SLC2A9: variants seen among roughly 807,000 people sequenced by gnomAD.
SLC2A9 encodes solute carrier family 2 member 9, also known as solute carrier family 2, facilitated glucose transporter member 9.
Under a neutral mutation model 50.6 loss-of-function variants are expected in SLC2A9, and 39 were observed. That is an observed-to-expected ratio of 0.77 (90% CI 0.60 to 1.01). The LOEUF is 1.01. SLC2A9 is among the 50% of genes least tolerant of loss of function. SLC2A9 has a pLI of 0.00. For synonymous variants in SLC2A9, 324 were observed against 276.9 expected (o/e 1.17, Z -1.69); for missense variants, 686 against 677.6 (o/e 1.01, Z -0.14).
intron 3 of SLC2A9, chr4:9,780,087 A>G (rs1718129938): frequency 6.6e-6 from 1 of 152,332 alleles, no homozygotes; most frequent in African/African-American, 2.4e-5. Context: ...GACAAGGGCA[A>G]TATGAGGAAA....
At chr4:9,807,667 G>A (rs1368556678) in intron 3 of SLC2A9, among the ~76,000 whole-genome samples, 1 of 152,216 alleles carries the variant, frequency 6.6e-6, no homozygotes, top group Non-Finnish European at 1.5e-5. Flanking sequence ...TGATTTGCAG[G>A]AATCTGACTG....
chr4:9,814,107 T>C (rs1366145721), intron 3 of SLC2A9, among the ~76,000 whole-genome samples: 1 of 152,172 alleles, frequency 6.6e-6, no homozygotes, highest in Non-Finnish European at 1.5e-5. Flanking sequence ...GCCACTGCAC[T>C]GCAGCCTGGG....
intron 10 of SLC2A9, among the ~76,000 whole-genome samples, chr4:9,875,703 A>T (rs1050234119): frequency 4.6e-5 from 7 of 152,202 alleles, no homozygotes; most frequent in Non-Finnish European, 1.0e-4. Flanking sequence ...CTGAGTCTCA[A>T]CTTCCTCTAT....
At chr4:9,851,021 G>C (rs1729811392) in intron 10 of SLC2A9, among the ~76,000 whole-genome samples, 1 of 151,602 alleles carries the variant, frequency 6.6e-6, no homozygotes, top group Non-Finnish European at 1.5e-5. Context: ...TTCATCACTG[G>C]TGCAGCTATA....
At chr4:10,013,006 G>C (rs1762022599) in intron 2 of SLC2A9, among the ~76,000 whole-genome samples, 1 of 152,176 alleles carries the variant, frequency 6.6e-6, no homozygotes, top group South Asian at 2.1e-4. Flanking sequence ...GTAGGAACCA[G>C]AGTGGAAACA....
intron 10 of SLC2A9, 77 bp from the exon 11 acceptor site, chr4:9,835,085 C>T: frequency 6.2e-7 from 1 of 1,602,996 alleles, no homozygotes; most frequent in Non-Finnish European, 8.5e-7. Context: ...CCATCTGCCA[C>T]ACTTTAGAAC....
At chr4:9,772,039 A>T (rs1228440544) in intron 1 of SLC2A9, among the ~76,000 whole-genome samples, 2 of 152,322 alleles carry the variant, frequency 1.3e-5, no homozygotes, top group Admixed American at 6.5e-5. Context: ...ATTTTTATTA[A>T]TTGGATTAAT....
At chr4:9,876,274 C>A (rs555086938) in intron 10 of SLC2A9, among the ~76,000 whole-genome samples, 13 of 152,264 alleles carry the variant, frequency 8.5e-5, no homozygotes, top group African/African-American at 3.1e-4. Context: ...CTATCCCTAC[C>A]CACAGGGCTA....
intron 10 of SLC2A9, among the ~76,000 whole-genome samples, chr4:9,848,698 TC>T (rs1186815735): frequency 2.8e-5 from 4 of 144,408 alleles, no homozygotes; most frequent in Non-Finnish European, 1.5e-5. Flanking sequence ...GAGTGGAAAT[TC>T]TTTTTTTTTT....
Position 9,849,362 on chromosome 4 carries a change from T to C in SLC2A9, c.1292-14354A>G, listed in dbSNP as rs891892102. ...AGGGAAGTTGTTTGTGAAAAGAAGT[T>C]CGTGCCTCTCAGCATTGTTAACAAC... is the stretch of plus-strand genomic sequence containing the variant. On this transcript the variant is annotated intron_variant, in intron 10 of 11. Coordinates refer to ENST00000264784, the MANE Select transcript of SLC2A9 (RefSeq NM_020041.3). Among the ~76,000 whole-genome samples, 4 of 152,316 alleles carry C rather than the reference T, an allele frequency of 2.6e-5. No homozygotes were observed. In the East Asian group the frequency reaches 7.7e-4, roughly 29 times the overall value.
chr4:9,968,466 A>C (rs1315998156), intron 5 of SLC2A9, among the ~76,000 whole-genome samples: 1 of 152,140 alleles, frequency 6.6e-6, no homozygotes, highest in African/African-American at 2.4e-5. Context: ...CCTGACACTA[A>C]AAATGTTTGT....
chr4:9,920,697 A>G (rs1743778255), intron 6 of SLC2A9, 125 bp from the exon 7 acceptor site: 1 of 1,123,738 alleles, frequency 8.9e-7, no homozygotes, highest in Non-Finnish European at 1.3e-6. Context: ...GGAACTTGGC[A>G]GGGGCCTTTG....
chr4:9,993,502 C>A (rs568913707), intron 3 of SLC2A9, among the ~76,000 whole-genome samples: 71 of 152,296 alleles, frequency 4.7e-4, no homozygotes, highest in African/African-American at 1.7e-3. Context: ...ATCTTCACAA[C>A]AACCCTCTGA....
chr4:9,897,567 G>T (rs1738789668), intron 8 of SLC2A9, among the ~76,000 whole-genome samples: 1 of 152,040 alleles, frequency 6.6e-6, no homozygotes, highest in African/African-American at 2.4e-5. Context: ...ATGATGACTG[G>T]TGTCCTTGAG....
At chr4:9,862,477 A>AT (rs1442124585) in intron 10 of SLC2A9, among the ~76,000 whole-genome samples, 1 of 151,690 alleles carries the variant, frequency 6.6e-6, no homozygotes, top group Admixed American at 6.6e-5. Context: ...AAACTTCTGT[A>AT]TTTTTTTTCT....
intron 1 of SLC2A9, among the ~76,000 whole-genome samples, chr4:10,019,619 A>C (rs1578372175): frequency 6.6e-6 from 1 of 152,216 alleles, no homozygotes; most frequent in Admixed American, 6.5e-5. Context: ...TCACCACTGC[A>C]CTGTCCCCTG....
At position 9,994,460 on chromosome 4, in the gene SLC2A9, C is replaced by T. The variant is rs185890883; in HGVS notation, c.410+2321G>A. Among the ~76,000 whole-genome samples, 31 of 152,212 alleles carry T rather than the reference C, an allele frequency of 2.0e-4. No individual in the cohort carries two copies. In the East Asian group the frequency reaches 2.5e-3, roughly 12 times the overall value. ...GCTTGGGGCATAACAACCAACACAT[C>T]CTTTGATCTGATCTTTTTCTGCATC... On this transcript the variant is annotated intron_variant, in intron 3 of 11. Transcript: ENST00000264784.
intron 5 of SLC2A9, among the ~76,000 whole-genome samples, chr4:9,954,545 C>T (rs1162404384): frequency 6.6e-6 from 1 of 152,230 alleles, no homozygotes; most frequent in Non-Finnish European, 1.5e-5. Context: ...TGGAGCCATA[C>T]ATGCAGGGGG....
chr4:10,001,509 T>C (rs1759797652), intron 2 of SLC2A9, among the ~76,000 whole-genome samples: 1 of 152,226 alleles, frequency 6.6e-6, no homozygotes. Context: ...CACATTTCAG[T>C]TCTTTCAGTC....
Sources: allele counts gnomAD v4.1 joint callset (sites outside exome capture counted in the v4.1 genomes callset), GRCh38; gene constraint gnomAD v4.1.1; transcripts MANE v1.5; gene names NCBI Gene and HGNC (gene_info 2026-07-23, HGNC 2026-07-21).